The following PAIP2B variants were observed in gnomAD, a reference collection of about 807,000 sequenced individuals.
The protein encoded by PAIP2B is polyadenylate-binding protein-interacting protein 2B.
Under a neutral mutation model 17.0 loss-of-function variants are expected in PAIP2B, and 13 were observed. The observed-to-expected ratio is 0.76, with a 90% CI of 0.50 to 1.22. PAIP2B has a LOEUF of 1.22. Ranked by LOEUF, PAIP2B falls within the 50% of genes most tolerant of loss-of-function variation. PAIP2B has a pLI of 0.00. For synonymous variants in PAIP2B, 43 were observed against 48.7 expected, an observed-to-expected ratio of 0.88 and a Z score of 0.48; for missense variants, 117 against 144.5, an observed-to-expected ratio of 0.81 and a Z score of 0.98.
chr2:71,199,118 C>G (rs1007015292), intron 2 of PAIP2B, among the ~76,000 whole-genome samples: 1 of 152,092 alleles, frequency 6.6e-6, no homozygotes, highest in African/African-American at 2.4e-5. Flanking sequence ...TTTGAAATTT[C>G]CTGATATTTT....
At position 71,190,028 on chromosome 2, in the gene PAIP2B, A is replaced by G. The variant is rs1674646060; in HGVS notation, c.139-7T>C. 1.9e-6 allele frequency: 3 copies of G among 1,606,424 alleles called. No homozygotes were observed. The highest frequency in any genetic ancestry group is 1.7e-4 in the Middle Eastern group (1 of 5,964). ...CCTGCAGTTCCTCCTCCACCTAGCA[A>G]GCAAAGGGGAGCAGCTCAGACTTAC... On this transcript the variant is annotated splice_region_variant and splice_polypyrimidine_tract_variant and intron_variant, in intron 2 of 3. Coordinates refer to ENST00000244221, the MANE Select transcript of PAIP2B (RefSeq NM_020459.1).
chr2:71,187,821 C>T lies in PAIP2B; in HGVS notation c.*658G>A, dbSNP rs1674576060. 6.5e-6 allele frequency: 1 copy of T among 152,674 alleles called. No individual in the cohort carries two copies. Among genetic ancestry groups the T allele is most frequent in the African/African-American group, 2.4e-5 (1 of 41,446 alleles). The allele number at this position is 152,674 out of a possible 1,614,324, so 9.5% of individuals were successfully genotyped here. On this transcript the variant is annotated 3_prime_UTR_variant, in exon 4 of 4. Transcript: ENST00000244221. ...AGTAACTAAATGACTCAAGTGACAACCACCATCACAGCCCTACCTTCTGAT... is the reference window on the plus strand; with the variant it reads ...AGTAACTAAATGACTCAAGTGACAATCACCATCACAGCCCTACCTTCTGAT...
chr2:71,208,429 C>CT, intron 1 of PAIP2B, among the ~76,000 whole-genome samples: 1 of 150,602 alleles, frequency 6.6e-6, no homozygotes, highest in East Asian at 2.0e-4. Flanking sequence ...TTTCACCCCC[C>CT]CAAAAAAAAA....
chr2:71,183,906 TTATGA>T lies in PAIP2B; in HGVS notation c.*4568_*4572del. The T allele has an allele frequency of 6.6e-6, 1 of 152,298 alleles. No individual in the cohort carries two copies. 9.4% of individuals were successfully genotyped at this position (152,298 alleles called of 1,614,324 possible). The stretch of plus-strand genomic sequence containing the variant: ...GAAATGTACACTTGAAATGGGTGTT[TTATGA>T]TATGTAACATATGCCTCATTAAAGT... On this transcript the variant is annotated 3_prime_UTR_variant, in exon 4 of 4. Transcript: ENST00000244221.
intron 2 of PAIP2B, among the ~76,000 whole-genome samples, chr2:71,195,890 GCCTCC>G (rs1390030478): frequency 6.6e-6 from 1 of 152,146 alleles, no homozygotes; most frequent in Non-Finnish European, 1.5e-5. Flanking sequence ...GCCCACCTCA[GCCTCC>G]CTAAGTGCTG....
chr2:71,224,646 C>T (rs1675675370), intron 1 of PAIP2B, among the ~76,000 whole-genome samples: 1 of 152,090 alleles, frequency 6.6e-6, no homozygotes, highest in African/African-American at 2.4e-5. Context: ...TTCAGGAAGT[C>T]TAGAGCAGTA....
chr2:71,205,145 G>A (rs997408593), intron 1 of PAIP2B, among the ~76,000 whole-genome samples: 1 of 152,176 alleles, frequency 6.6e-6, no homozygotes, highest in Non-Finnish European at 1.5e-5. Flanking sequence ...GAGAAAGGGA[G>A]TGGGGAATTA....
At chr2:71,225,928 TG>T (rs1217427580) in intron 1 of PAIP2B, among the ~76,000 whole-genome samples, 1 of 152,258 alleles carries the variant, frequency 6.6e-6, no homozygotes, top group African/African-American at 2.4e-5. Context: ...CAACTAAGTA[TG>T]TTCTATATTT....
rs1674565337 is a variant in PAIP2B at position 71,187,297 on chromosome 2, G to A, written c.*1182C>T. 2.6e-5 allele frequency: 4 copies of A among 152,140 alleles called. No homozygotes were observed. Among genetic ancestry groups the A allele is most frequent in the South Asian group, 4.1e-4 (2 of 4,830 alleles). The allele number at this position is 152,140 out of a possible 1,614,324, so 9.4% of individuals were successfully genotyped here. On this transcript the variant is annotated 3_prime_UTR_variant, in exon 4 of 4. Coordinates refer to ENST00000244221, the MANE Select transcript of PAIP2B (RefSeq NM_020459.1). ...TCAATCTACAAAACTTGCAAAGCTG[G>A]GTATGTGGGAACAGTAAAATGTTTT...
intron 2 of PAIP2B, among the ~76,000 whole-genome samples, chr2:71,200,022 C>A (rs1404844530): frequency 1.3e-5 from 2 of 152,204 alleles, no homozygotes; most frequent in Non-Finnish European, 2.9e-5. Flanking sequence ...ACATTTCAAT[C>A]TGCTTCTATC....
chr2:71,188,996 C>T (rs1383123343), intron 3 of PAIP2B, among the ~76,000 whole-genome samples: 1 of 149,970 alleles, frequency 6.7e-6, no homozygotes, highest in Non-Finnish European at 1.5e-5. Context: ...AACTATATTG[C>T]TCACAGACTT....
intron 1 of PAIP2B, among the ~76,000 whole-genome samples, chr2:71,205,313 C>T (rs549670456): frequency 1.3e-5 from 2 of 152,270 alleles, no homozygotes; most frequent in South Asian, 4.1e-4. Flanking sequence ...GTTTTCCACA[C>T]AATTAGAAAG....
At chr2:71,205,782 A>G (rs1675110847) in intron 1 of PAIP2B, among the ~76,000 whole-genome samples, 1 of 152,224 alleles carries the variant, frequency 6.6e-6, no homozygotes, top group South Asian at 2.1e-4. Context: ...TAGTGAGGAC[A>G]AAGAAAATAT....
At chr2:71,225,558 G>A (rs963442064) in intron 1 of PAIP2B, among the ~76,000 whole-genome samples, 4 of 152,218 alleles carry the variant, frequency 2.6e-5, no homozygotes, top group African/African-American at 9.6e-5. Context: ...TCCCCACCCC[G>A]ATATACAAGT....
chr2:71,193,591 C>T (rs538431092), intron 2 of PAIP2B, among the ~76,000 whole-genome samples: 3 of 152,212 alleles, frequency 2.0e-5, no homozygotes, highest in South Asian at 2.1e-4. Flanking sequence ...GCAGTGGCTC[C>T]GCCTGTAATC....
chr2:71,188,542 T>TAAGA lies in PAIP2B; in HGVS notation c.316-11_316-8dup. On this transcript the variant is annotated splice_region_variant and splice_polypyrimidine_tract_variant and intron_variant, in intron 3 of 3. Coordinates refer to ENST00000244221, the MANE Select transcript of PAIP2B (RefSeq NM_020459.1). Reference sequence around the variant, plus strand: ...GGTTCAGGTTACTTTTGCTCTGAAATAAGAACCAAGAGATAGTAAATCCTA... The same window carrying TAAGA: ...GGTTCAGGTTACTTTTGCTCTGAAATAAGAAAGAACCAAGAGATAGTAAATCCTA... 1.9e-6 allele frequency: 3 copies of TAAGA among 1,602,394 alleles called. No homozygotes were observed. The East Asian group carries it at 6.7e-5, about 36-fold the overall frequency.
chr2:71,195,721 A>G (rs202203503), intron 2 of PAIP2B, among the ~76,000 whole-genome samples: 2 of 152,096 alleles, frequency 1.3e-5, no homozygotes, highest in Non-Finnish European at 2.9e-5. Context: ...TCCCTGCAAC[A>G]TCTGCCTCCT....
chr2:71,220,992 A>G (rs1037094945), intron 1 of PAIP2B, among the ~76,000 whole-genome samples: 16 of 152,374 alleles, frequency 1.1e-4, no homozygotes, highest in African/African-American at 3.8e-4. Context: ...TGTGCAACAC[A>G]TGTATGCTTC....
At chr2:71,203,757 T>C (rs971330567) in intron 1 of PAIP2B, among the ~76,000 whole-genome samples, 3 of 151,734 alleles carry the variant, frequency 2.0e-5, no homozygotes, top group African/African-American at 7.2e-5. Context: ...AATGAAAGTT[T>C]ATAACTAAAA....
Sources: allele counts gnomAD v4.1 joint callset (sites outside exome capture counted in the v4.1 genomes callset), GRCh38; gene constraint gnomAD v4.1.1; transcripts MANE v1.5; gene names NCBI Gene and HGNC (gene_info 2026-07-23, HGNC 2026-07-21).